TAAR5: variants seen among roughly 807,000 people sequenced by gnomAD.
The protein encoded by TAAR5 is trace amine associated receptor 5.
In TAAR5, 27 loss-of-function variants were observed where a neutral mutation model predicts 21.1. The ratio of observed to expected loss-of-function variants is 1.28; its 90% CI spans 0.94 to 1.76. The LOEUF is 1.76. Among genes scored for constraint, TAAR5 ranks in the 40% most tolerant of loss-of-function variants. The pLI is 0.00. For synonymous variants in TAAR5, 203 were observed against 167.5 expected (o/e 1.21, Z -1.64); for missense variants, 495 against 405.6 (o/e 1.22, Z -1.89).
chr6:132,610,042 A>G, the TAAR5 span, among the ~76,000 whole-genome samples: 1 of 152,214 alleles, frequency 6.6e-6, no homozygotes, highest in Non-Finnish European at 1.5e-5. Context: ...GCCATGTCAT[A>G]TGTTCCATCC....
rs775162930 is a variant in TAAR5 at position 132,589,154 on chromosome 6, C to T, written c.533G>A (p.Arg178Lys). The change falls in exon 1 of 1, where the codon AGG becomes AAG. Residue 178 changes from arginine (R) to lysine (K), a missense_variant. Physicochemically the swap from Arg to Lys is conservative, Grantham distance 26. Transcript: ENST00000258034. ...LFLYTDVVET[R>K]LSQWLEEMPC... ...CATCTCTTCCAGCCACTGGCTGAGC[C>T]TTGTCTCTACCACATCTGTGTAGAG... 6.2e-7 allele frequency: 1 copy of T among 1,610,400 alleles called. No individual in the cohort carries two copies. Among genetic ancestry groups the T allele is most frequent in the Non-Finnish European group, 8.5e-7 (1 of 1,178,192 alleles).
chr6:132,613,257 T>C, the TAAR5 span, among the ~76,000 whole-genome samples: 1 of 152,216 alleles, frequency 6.6e-6, no homozygotes, highest in Non-Finnish European at 1.5e-5. Context: ...TTTGGAAAAC[T>C]GTATTCTAAT....
chr6:132,615,338 T>A, the TAAR5 span, among the ~76,000 whole-genome samples: 2 of 152,208 alleles, frequency 1.3e-5, no homozygotes, highest in African/African-American at 2.4e-5. Flanking sequence ...ATAAAATGTT[T>A]CTGTTTACAC....
chr6:132,597,293 A>G, the TAAR5 span, among the ~76,000 whole-genome samples: 16 of 151,232 alleles, frequency 1.1e-4, no homozygotes, highest in African/African-American at 3.2e-4. Context: ...AAGATAGAGT[A>G]AGACACCCAC....
At chr6:132,608,528 C>T in the TAAR5 span, 1 of 455,958 alleles carries the variant, frequency 2.2e-6, no homozygotes, top group Non-Finnish European at 4.4e-6. Context: ...GCTTTCCTGT[C>T]CTTTTTCTTG....
the TAAR5 span, among the ~76,000 whole-genome samples, chr6:132,598,391 T>C: frequency 1.3e-5 from 2 of 152,228 alleles, no homozygotes; most frequent in South Asian, 4.1e-4. Flanking sequence ...TAAACCTATC[T>C]AATTTTTTTC....
At chr6:132,589,934 T>C (rs566615619), upstream of TAAR5, among the ~76,000 whole-genome samples, 1 of 152,264 alleles carries the variant, frequency 6.6e-6, no homozygotes, top group African/African-American at 2.4e-5. Flanking sequence ...CTGCTAGCTC[T>C]AGTTTATATG....
At chr6:132,614,020 TAAG>T in the TAAR5 span, among the ~76,000 whole-genome samples, 1 of 152,214 alleles carries the variant, frequency 6.6e-6, no homozygotes, top group Admixed American at 6.5e-5. Context: ...GAAAAACAGA[TAAG>T]AAAGATCAGC....
At chr6:132,615,488 T>C in the TAAR5 span, among the ~76,000 whole-genome samples, 2 of 151,150 alleles carry the variant, frequency 1.3e-5, no homozygotes, top group African/African-American at 2.4e-5. Context: ...ATGAAAAAAA[T>C]TAAAAAGTTC....
the TAAR5 span, among the ~76,000 whole-genome samples, chr6:132,616,197 G>C: frequency 2.0e-5 from 3 of 152,198 alleles, no homozygotes; most frequent in East Asian, 5.8e-4. Context: ...TCTTTTTAGA[G>C]CCCAGTGTTG....
the TAAR5 span, among the ~76,000 whole-genome samples, chr6:132,598,258 G>A: frequency 4.6e-5 from 7 of 152,230 alleles, no homozygotes; most frequent in Admixed American, 3.9e-4. Context: ...TTTGCTGTGG[G>A]TCTTCCCATC....
At chr6:132,607,750 T>C in the TAAR5 span, among the ~76,000 whole-genome samples, 1 of 152,110 alleles carries the variant, frequency 6.6e-6, no homozygotes, top group Non-Finnish European at 1.5e-5. Flanking sequence ...AAAATGATGG[T>C]TAATGATTCT....
chr6:132,606,361 C>G, the TAAR5 span, among the ~76,000 whole-genome samples: 5 of 151,884 alleles, frequency 3.3e-5, no homozygotes, highest in African/African-American at 9.7e-5. Flanking sequence ...GTAGAAGGAC[C>G]AGCGGGTATA....
the TAAR5 span, among the ~76,000 whole-genome samples, chr6:132,600,206 A>AATT: frequency 6.6e-6 from 1 of 152,150 alleles, no homozygotes; most frequent in African/African-American, 2.4e-5. Context: ...TATAGAGGCA[A>AATT]ATTATTATTA....
At chr6:132,591,393 G>A (rs1382320609), upstream of TAAR5, among the ~76,000 whole-genome samples, 2 of 152,146 alleles carry the variant, frequency 1.3e-5, no homozygotes, top group African/African-American at 2.4e-5. Flanking sequence ...GGAAGAGGAG[G>A]TGGGGCAGGT....
chr6:132,601,621 G>T, the TAAR5 span, among the ~76,000 whole-genome samples: 2 of 152,280 alleles, frequency 1.3e-5, no homozygotes, highest in East Asian at 3.9e-4. Flanking sequence ...AACATTATTT[G>T]TTGTAGCAAA....
the TAAR5 span, among the ~76,000 whole-genome samples, chr6:132,614,560 T>C: frequency 6.6e-6 from 1 of 152,198 alleles, no homozygotes; most frequent in South Asian, 2.1e-4. Context: ...TCCAATTCTT[T>C]TTATTGACCC....
chr6:132,616,128 G>A, the TAAR5 span, among the ~76,000 whole-genome samples: 6 of 151,994 alleles, frequency 3.9e-5, no homozygotes, highest in Non-Finnish European at 5.9e-5. Flanking sequence ...CACTCATAAG[G>A]AAAGATTTTT....
Position 132,589,357 on chromosome 6 carries a change from G to A in TAAR5, c.330C>T (p.His110=), listed in dbSNP as rs778677134. 11 of 1,614,090 alleles carry A rather than the reference G, an allele frequency of 6.8e-6. No individual in the cohort carries two copies. The highest frequency in any genetic ancestry group is 9.3e-6 in the Non-Finnish European group (11 of 1,180,002). Residue 110 remains histidine (H), a synonymous_variant, in exon 1 of 1, where the codon CAC becomes CAT. Transcript: ENST00000258034. ...GGCAGAAGAGGGTGTCCAGGTAGGT[G>A]TGCAGGCGGCAGAGGAAGTCCCCGA... is the stretch of plus-strand genomic sequence containing the variant. ...WFFGDFLCRL[H]TYLDTLFCLT...
Sources: allele counts gnomAD v4.1 joint callset (sites outside exome capture counted in the v4.1 genomes callset), GRCh38; gene constraint gnomAD v4.1.1; transcripts MANE v1.5; gene names NCBI Gene and HGNC (gene_info 2026-07-23, HGNC 2026-07-21).